Variants in GFPT1 observed in about 807,000 individuals in gnomAD.
GFPT1 encodes glutamine--fructose-6-phosphate transaminase 1, also known as glutamine--fructose-6-phosphate aminotransferase [isomerizing] 1.
GFPT1 carries 40 observed loss-of-function variants against 92.0 expected under a neutral mutation model. The observed-to-expected ratio is 0.43, with a 90% CI of 0.34 to 0.57. The LOEUF is 0.57. Among genes scored for constraint, GFPT1 ranks in the 20% least tolerant of loss-of-function variants. The probability of loss-of-function intolerance (pLI) is 0.02; values close to 1 mark genes in which losing one functional copy is unlikely to be tolerated. For synonymous variants in GFPT1, 269 were observed against 280.6 expected (o/e 0.96, Z 0.41); for missense variants, 448 against 869.1 (o/e 0.52, Z 6.09).
intron 3 of GFPT1, among the ~76,000 whole-genome samples, chr2:69,365,176 G>A (rs1292380241): frequency 1.3e-5 from 2 of 151,912 alleles, no homozygotes; most frequent in Non-Finnish European, 2.9e-5. Context: ...TCAGAGTTAG[G>A]TCTAAATTAA....
chr2:69,326,776 G>A, intron 19 of GFPT1, 138 bp downstream of exon 19: 3 of 827,408 alleles, frequency 3.6e-6, no homozygotes, highest in Non-Finnish European at 6.0e-6. Flanking sequence ...TACAAATTGG[G>A]CCATGAAAAT....
intron 4 of GFPT1, among the ~76,000 whole-genome samples, chr2:69,362,210 G>T (rs1405607700): frequency 6.6e-6 from 1 of 152,112 alleles, no homozygotes; most frequent in Admixed American, 6.5e-5. Context: ...GCTCACTGCA[G>T]CCTCAACCCC....
chr2:69,351,700 ACTT>A (rs1671210495), intron 9 of GFPT1, among the ~76,000 whole-genome samples: 1 of 152,236 alleles, frequency 6.6e-6, no homozygotes, highest in Non-Finnish European at 1.5e-5. Context: ...AAACAAAGTA[ACTT>A]TTCCCATTCA....
chr2:69,340,139 ACTTTTTTTT>A (rs1432052940), intron 13 of GFPT1, among the ~76,000 whole-genome samples: 1 of 124,172 alleles, frequency 8.1e-6, no homozygotes. Flanking sequence ...AGTTGGGGCA[ACTTTTTTTT>A]TTTTTTTTTT....
At chr2:69,343,923 C>T (rs958900595) in intron 12 of GFPT1, among the ~76,000 whole-genome samples, 3 of 151,854 alleles carry the variant, frequency 2.0e-5, no homozygotes, top group African/African-American at 4.8e-5. Flanking sequence ...TAATCAAATC[C>T]GAACTACTTA....
intron 18 of GFPT1, among the ~76,000 whole-genome samples, chr2:69,327,443 A>G (rs1161522097): frequency 6.6e-6 from 1 of 152,198 alleles, no homozygotes; most frequent in Non-Finnish European, 1.5e-5. Context: ...ATATTAAAAT[A>G]AAACCTAGAT....
At chr2:69,363,471 A>T in intron 4 of GFPT1, 74 bp downstream of exon 4, 3 of 1,419,516 alleles carry the variant, frequency 2.1e-6, no homozygotes, top group Non-Finnish European at 3.0e-6. Flanking sequence ...AATAATGAAA[A>T]TCTAAAAGCC....
At chr2:69,356,191 G>A (rs985081470) in intron 7 of GFPT1, among the ~76,000 whole-genome samples, 17 of 151,868 alleles carry the variant, frequency 1.1e-4, no homozygotes, top group African/African-American at 3.6e-4. Flanking sequence ...ACGGGGTTTC[G>A]CCATGTTGGC....
At chr2:69,371,076 CTTTT>C (rs1156764424) in intron 2 of GFPT1, among the ~76,000 whole-genome samples, 13 of 127,766 alleles carry the variant, frequency 1.0e-4, no homozygotes, top group East Asian at 4.5e-4. Flanking sequence ...CTTTTCTTTT[CTTTT>C]TTTTTTTTTT....
At chr2:69,330,640 ATC>A (rs1333223138) in intron 15 of GFPT1, among the ~76,000 whole-genome samples, 2 of 151,262 alleles carry the variant, frequency 1.3e-5, no homozygotes, top group Non-Finnish European at 2.9e-5. Context: ...ATTTAATCTC[ATC>A]TGTTATTAGA....
intron 1 of GFPT1, among the ~76,000 whole-genome samples, chr2:69,375,114 T>C (rs1006411710): frequency 1.1e-4 from 16 of 152,236 alleles, no homozygotes; most frequent in African/African-American, 3.9e-4. Context: ...AATCCACACT[T>C]TTAGGAATGG....
rs781519645 is a variant in GFPT1 at position 69,387,110 on chromosome 2, G to A, written c.-39C>T. 7.9e-6 allele frequency: 12 copies of A among 1,528,460 alleles called. No homozygotes were observed. In the East Asian group the frequency reaches 2.3e-4, roughly 29 times the overall value. The allele number at this position is 1,528,460 out of a possible 1,614,324, so 94.7% of individuals were successfully genotyped here. A position where few individuals can be genotyped will look rare whatever the true frequency, so the allele number is the denominator to read the frequency against. On this transcript the variant is annotated 5_prime_UTR_variant, in exon 1 of 20. Coordinates refer to ENST00000357308, the MANE Select transcript of GFPT1 (RefSeq NM_001244710.2). ...CGGCCCGCGAGGCCAGGGGCGAGTG[G>A]CTGGCGGGATCGGGGGTGCACACAC... is the stretch of plus-strand genomic sequence containing the variant.
In GFPT1 at chr2:69,338,491, G is replaced by A; in HGVS notation, c.1278C>T (p.Asn426=). ...AAACATCATCTCGAAAGACTGGTGT[G>A]TTTCTGTCCAGGAAGTCACTTGCTA... is the stretch of plus-strand genomic sequence containing the variant. ...VELASDFLDR[N]TPVFRDDVCF... The change falls in exon 14 of 20, where the codon AAC becomes AAT. Residue 426 remains asparagine (N), a synonymous_variant. Coordinates refer to ENST00000357308, the MANE Select transcript of GFPT1 (RefSeq NM_001244710.2). 1 of 1,613,114 alleles carries A rather than the reference G, an allele frequency of 6.2e-7. No homozygotes were observed. Among genetic ancestry groups the A allele is most frequent in the East Asian group, 2.2e-5 (1 of 44,854 alleles).
At chr2:69,335,644 T>A (rs1670776175) in intron 15 of GFPT1, among the ~76,000 whole-genome samples, 1 of 152,180 alleles carries the variant, frequency 6.6e-6, no homozygotes, top group Non-Finnish European at 1.5e-5. Context: ...AGCACAAACA[T>A]GTAACACGTT....
Position 69,337,957 on chromosome 2 carries a change from C to A in GFPT1, c.1423G>T (p.Glu475Ter). 6.2e-7 allele frequency: 1 copy of A among 1,613,840 alleles called. No homozygotes were observed. Among genetic ancestry groups the A allele is most frequent in the Non-Finnish European group, 8.5e-7 (1 of 1,179,730 alleles). ...TTAATATGAACTCCACAATCTGTCTCCCGTGATATGGAACTGCCAACTGTG... is the reference window on the plus strand; with the variant it reads ...TTAATATGAACTCCACAATCTGTCTACCGTGATATGGAACTGCCAACTGTG... ...TNTVGSSISR[E>*]TDCGVHINAG... is the part of the protein sequence containing the mutation. The change falls in exon 15 of 20, where the codon GAG becomes TAG. Residue 475 changes from glutamate (E) to a stop codon, truncating the protein, a stop_gained. Transcript: ENST00000357308. LOFTEE classifies it high-confidence loss of function.
chr2:69,337,808 C>T (rs1670837824), intron 15 of GFPT1, 90 bp downstream of exon 15: 3 of 1,074,608 alleles, frequency 2.8e-6, no homozygotes, highest in Admixed American at 1.7e-5. Flanking sequence ...TAACTGCTAA[C>T]AAAAATAAGA....
At chr2:69,379,495 T>A (rs984031472) in intron 1 of GFPT1, among the ~76,000 whole-genome samples, 6 of 152,170 alleles carry the variant, frequency 3.9e-5, no homozygotes, top group African/African-American at 1.4e-4. Context: ...TGGAATCACA[T>A]TCTACATTTA....
Position 69,320,476 on chromosome 2 carries a change from A to G in GFPT1, c.*5713T>C, listed in dbSNP as rs1239125022. On this transcript the variant is annotated 3_prime_UTR_variant, in exon 20 of 20. Coordinates refer to ENST00000357308, the MANE Select transcript of GFPT1 (RefSeq NM_001244710.2). The stretch of plus-strand genomic sequence containing the variant: ...ATTAATTCCTAAAGATCCAAAGGGT[A>G]TACAATACCTGTCAAATTTGATATG... 1 of 152,268 alleles carries G rather than the reference A, an allele frequency of 6.6e-6. No homozygotes were observed. Among genetic ancestry groups the G allele is most frequent in the Non-Finnish European group, 1.5e-5 (1 of 68,072 alleles). 9.4% of individuals were successfully genotyped at this position (152,268 alleles called of 1,614,324 possible).
chr2:69,347,433 A>C (rs1229655970), intron 11 of GFPT1, among the ~76,000 whole-genome samples: 1 of 151,886 alleles, frequency 6.6e-6, no homozygotes, highest in Non-Finnish European at 1.5e-5. Flanking sequence ...AGTTAACAGA[A>C]GCAAATATTA....
Sources: gnomAD v4.1 joint callset for allele counts (sites outside exome capture counted in the v4.1 genomes callset) on GRCh38, gnomAD v4.1.1 for gene constraint, MANE v1.5 for transcripts, NCBI Gene and HGNC (gene_info 2026-07-23, HGNC 2026-07-21) for gene names.